The following SERGEF variants were observed in gnomAD, a reference collection of about 807,000 sequenced individuals.
SERGEF encodes the protein secretion-regulating guanine nucleotide exchange factor.
Under a neutral mutation model 50.0 loss-of-function variants are expected in SERGEF, and 51 were observed. That is an observed-to-expected ratio of 1.02 (90% CI 0.81 to 1.29). The LOEUF is 1.29. SERGEF is among the 50% of genes most tolerant of loss of function. The pLI, the probability that SERGEF is intolerant of heterozygous loss-of-function variation, is 0.00. For synonymous variants in SERGEF, 205 were observed against 212.4 expected, an observed-to-expected ratio of 0.97 and a Z score of 0.30; for missense variants, 521 against 557.0, an observed-to-expected ratio of 0.94 and a Z score of 0.65.
chr11:17,950,814 G>A (rs996411461), intron 9 of SERGEF, among the ~76,000 whole-genome samples: 2 of 152,198 alleles, frequency 1.3e-5, no homozygotes, highest in African/African-American at 4.8e-5. Context: ...CAGTTTTCAA[G>A]GTCAAATGCA....
At chr11:17,971,192 TA>T (rs1032365641) in intron 8 of SERGEF, among the ~76,000 whole-genome samples, 4 of 151,314 alleles carry the variant, frequency 2.6e-5, no homozygotes, top group Non-Finnish European at 5.9e-5. Flanking sequence ...AGACTCCATC[TA>T]AAAAAAAGAA....
At chr11:18,001,791 C>T (rs1853966822) in intron 4 of SERGEF, among the ~76,000 whole-genome samples, 1 of 152,228 alleles carries the variant, frequency 6.6e-6, no homozygotes, top group Admixed American at 6.5e-5. Context: ...CTTCACTTCT[C>T]TAAATATGCT....
At chr11:17,834,408 T>G (rs984711081) in intron 10 of SERGEF, among the ~76,000 whole-genome samples, 2 of 152,226 alleles carry the variant, frequency 1.3e-5, no homozygotes, top group Non-Finnish European at 2.9e-5. Context: ...ATCAGCAGCA[T>G]GAAAACGTAC....
chr11:17,807,335 CCA>C (rs60771764), intron 10 of SERGEF, among the ~76,000 whole-genome samples: 56,202 of 130,244 alleles, frequency 0.43, 11,986 homozygotes, highest in East Asian at 0.73. Flanking sequence ...AACTCCCCCC[CCA>C]CAAAAAAAAT....
chr11:17,974,297 T>C (rs1028906048), intron 8 of SERGEF, among the ~76,000 whole-genome samples: 1 of 152,172 alleles, frequency 6.6e-6, no homozygotes, highest in Non-Finnish European at 1.5e-5. Flanking sequence ...CTTGACACAG[T>C]TTAAGATTAT....
chr11:17,799,957 A>G (rs898130833), intron 10 of SERGEF, among the ~76,000 whole-genome samples: 1 of 152,234 alleles, frequency 6.6e-6, no homozygotes, highest in African/African-American at 2.4e-5. Context: ...GGTCCTGGAA[A>G]GATTTGCTCA....
chr11:17,987,253 G>A (rs1175516395), intron 8 of SERGEF, among the ~76,000 whole-genome samples: 2 of 152,332 alleles, frequency 1.3e-5, no homozygotes, highest in South Asian at 2.1e-4. Context: ...TTGTGTATGT[G>A]TAGTCTCTTT....
At chr11:17,986,301 C>A (rs502969) in intron 8 of SERGEF, among the ~76,000 whole-genome samples, 150,641 of 152,280 alleles carry the variant, frequency 0.99, 74,529 homozygotes, top group East Asian at 1. Flanking sequence ...ATCATGTAAC[C>A]GGAAACTCCC....
At chr11:17,805,937 C>T (rs1272422256) in intron 10 of SERGEF, among the ~76,000 whole-genome samples, 2 of 152,176 alleles carry the variant, frequency 1.3e-5, no homozygotes, top group African/African-American at 4.8e-5. Context: ...ATTTATTGGG[C>T]CCAAAGGTAG....
chr11:17,960,153 C>A (rs999113864), intron 8 of SERGEF, among the ~76,000 whole-genome samples: 1 of 152,120 alleles, frequency 6.6e-6, no homozygotes, highest in Non-Finnish European at 1.5e-5. Flanking sequence ...ATAAAGGGAC[C>A]TTTCAGAATC....
chr11:17,957,923 C>T (rs1852909542), intron 9 of SERGEF, among the ~76,000 whole-genome samples: 2 of 152,094 alleles, frequency 1.3e-5, no homozygotes, highest in East Asian at 1.9e-4. Flanking sequence ...ATCATAAATG[C>T]TATTGGTACA....
rs117258378 is a variant in SERGEF at position 17,903,872 on chromosome 11, A to T, written c.1012-25628T>A. ...GAGGACAGCCGTGGAGAAAAAGGGA[A>T]AGGGGAGTCTCCACTTCCGTAGGTC... On this transcript the variant is annotated intron_variant, in intron 9 of 10. Coordinates refer to ENST00000265965, the MANE Select transcript of SERGEF (RefSeq NM_012139.4). Among the ~76,000 whole-genome samples, 68 of 152,316 alleles carry T rather than the reference A, an allele frequency of 4.5e-4. No homozygotes were observed. In the East Asian group the frequency reaches 0.011, roughly 25 times the overall value.
chr11:17,959,151 G>A lies in SERGEF; in HGVS notation c.1011+319C>T, dbSNP rs141445969. Among the ~76,000 whole-genome samples, 998 of 152,300 alleles carry A rather than the reference G, an allele frequency of 6.6e-3. 10 individuals are homozygous for A. The highest frequency in any genetic ancestry group is 0.022 in the African/African-American group (935 of 41,564). Reference sequence around the variant, plus strand: ...CCCAAAGTGCTGGGATTACAGGCGTGAGCCACCGTGCCTGGCCAGCCTTGT... The same window carrying A: ...CCCAAAGTGCTGGGATTACAGGCGTAAGCCACCGTGCCTGGCCAGCCTTGT... On this transcript the variant is annotated intron_variant, in intron 9 of 10. Coordinates refer to ENST00000265965, the MANE Select transcript of SERGEF (RefSeq NM_012139.4).
rs575231921 is a variant in SERGEF, at chr11:17,801,836, G to A, written c.1049-13423C>T. Among the ~76,000 whole-genome samples, 19 of 152,208 alleles carry A rather than the reference G, an allele frequency of 1.2e-4. No individual in the cohort carries two copies. The South Asian group carries it at 3.9e-3, about 32-fold the overall frequency. On this transcript the variant is annotated intron_variant, in intron 10 of 10. Transcript: ENST00000265965. ...GTAACACTGTGCTTATGGTTCGATG[G>A]GGCCTAATTTGGTGCCTTCATCACT...
Position 17,988,592 on chromosome 11 carries a change from C to A in SERGEF, c.844+5G>T, listed in dbSNP as rs1376066028. 25 of 1,613,714 alleles carry A rather than the reference C, an allele frequency of 1.5e-5. No individual in the cohort carries two copies. The highest frequency in any genetic ancestry group is 2.1e-5 in the Non-Finnish European group (25 of 1,179,860). ...CCAACCGTAAGTTCTCTGCTACTGT[C>A]TCACCTGTCTGAGCAACCAGGTGTG... On this transcript the variant is annotated splice_donor_5th_base_variant and intron_variant, in intron 8 of 10. Transcript: ENST00000265965.
chr11:17,790,063 G>A (rs886777078), intron 10 of SERGEF, among the ~76,000 whole-genome samples: 1 of 152,006 alleles, frequency 6.6e-6, no homozygotes, highest in Non-Finnish European at 1.5e-5. Flanking sequence ...TAATTTAATA[G>A]AAAGACGCAG....
chr11:17,840,004 A>C (rs753871450), intron 10 of SERGEF, among the ~76,000 whole-genome samples: 22 of 152,212 alleles, frequency 1.4e-4, no homozygotes, highest in Non-Finnish European at 3.2e-4. Context: ...CAAAGCCAAG[A>C]ATCAGAGAAT....
At chr11:18,005,114 C>G (rs1400642800) in intron 3 of SERGEF, among the ~76,000 whole-genome samples, 1 of 152,192 alleles carries the variant, frequency 6.6e-6, no homozygotes, top group Non-Finnish European at 1.5e-5. Context: ...TTAGCCTTTA[C>G]CAGTGAAAAG....
chr11:17,792,323 G>A (rs1021313134), intron 10 of SERGEF, among the ~76,000 whole-genome samples: 5 of 152,264 alleles, frequency 3.3e-5, no homozygotes, highest in Non-Finnish European at 7.3e-5. Context: ...ACGAGGTAGG[G>A]AGAGTGGAAG....
Sources: gnomAD v4.1 joint callset for allele counts (sites outside exome capture counted in the v4.1 genomes callset) on GRCh38, gnomAD v4.1.1 for gene constraint, MANE v1.5 for transcripts, NCBI Gene and HGNC (gene_info 2026-07-23, HGNC 2026-07-21) for gene names.